C8orf34: variants seen among roughly 807,000 people sequenced by gnomAD.
C8orf34 encodes the protein uncharacterized protein C8orf34.
In C8orf34, 65 loss-of-function variants were observed where a neutral mutation model predicts 68.3. That is an observed-to-expected ratio of 0.95 (90% CI 0.78 to 1.17). The LOEUF (loss-of-function observed/expected upper bound fraction) is 1.17, where lower values mean the gene tolerates loss of function less well. Ranked by LOEUF, C8orf34 falls within the 50% of genes most tolerant of loss-of-function variation. C8orf34 has a pLI of 0.00. For missense variants in C8orf34, 664 were observed against 655.4 expected (o/e 1.01, Z -0.14); for synonymous variants, 244 against 241.2 (o/e 1.01, Z -0.11).
At chr8:68,462,789 G>A (rs1811905405) in intron 3 of C8orf34, among the ~76,000 whole-genome samples, 1 of 151,778 alleles carries the variant, frequency 6.6e-6, no homozygotes, top group Non-Finnish European at 1.5e-5. Context: ...CACATTCAAA[G>A]CAGTGTGTAG....
intron 8 of C8orf34, among the ~76,000 whole-genome samples, chr8:68,666,063 C>T (rs535080179): frequency 1.2e-4 from 18 of 152,194 alleles, no homozygotes; most frequent in South Asian, 2.1e-4. Flanking sequence ...GTCCCATGGC[C>T]GGTATTTTTG....
At chr8:68,728,499 C>T (rs545914324) in intron 10 of C8orf34, among the ~76,000 whole-genome samples, 101 of 152,290 alleles carry the variant, frequency 6.6e-4, no homozygotes, top group African/African-American at 2.4e-3. Context: ...TACCAATTTA[C>T]TGTATTAGTC....
rs138458632 is a variant in C8orf34, at chr8:68,521,835, C to T, written c.802C>T (p.Arg268Cys). The T allele has an allele frequency of 2.4e-5, 38 of 1,613,840 alleles. 1 individual carries two copies. Among genetic ancestry groups the T allele is most frequent in the South Asian group, 1.4e-4 (13 of 91,032 alleles). The change falls in exon 6 of 14, where the codon CGT becomes TGT. Residue 268 changes from arginine to cysteine, a missense_variant. Arg to Cys is a radical substitution (Grantham distance 180). Transcript: ENST00000518698. The stretch of plus-strand genomic sequence containing the variant: ...ATTTAATTCTTCTCTTCTGAGGCCC[C>T]GTGTGATTGGAGAATGGATTGGTAG... ...VTFNSSLLRPRVIGEWIGREE... is the reference protein window; with the variant it reads ...VTFNSSLLRPCVIGEWIGREE...
At chr8:68,695,908 A>G (rs1820818183) in intron 8 of C8orf34, 1 of 152,134 alleles carries the variant, frequency 6.6e-6, no homozygotes, top group African/African-American at 2.4e-5. Context: ...GTAAAAGAAA[A>G]ATATATGTTG....
At chr8:68,810,910 C>T (rs995828041) in intron 12 of C8orf34, among the ~76,000 whole-genome samples, 1 of 152,184 alleles carries the variant, frequency 6.6e-6, no homozygotes, top group Admixed American at 6.5e-5. Context: ...CTAGGAGAAG[C>T]ATCATAAGTT....
chr8:68,816,105 A>AGT (rs71554629), intron 13 of C8orf34, among the ~76,000 whole-genome samples, 160 bp downstream of exon 13: 15,416 of 144,462 alleles, frequency 0.11, 1,117 homozygotes, highest in African/African-American at 0.22. Flanking sequence ...ATTTCCTAAG[A>AGT]GTGTGTGTGT....
At chr8:68,709,114 C>CTTCTT in intron 9 of C8orf34, 35 bp downstream of exon 9, 1 of 1,465,392 alleles carries the variant, frequency 6.8e-7, no homozygotes, top group Non-Finnish European at 9.5e-7. Flanking sequence ...TATTGCAGTT[C>CTTCTT]TAGTGGCACT....
intron 6 of C8orf34, 98 bp from the exon 7 acceptor site, chr8:68,532,885 C>CATGTCCACAT (rs1815306884): frequency 1.2e-6 from 1 of 802,606 alleles, no homozygotes; most frequent in Non-Finnish European, 1.9e-6. Context: ...ACTTTAGTAA[C>CATGTCCACAT]ATGTCCACAT....
intron 5 of C8orf34, among the ~76,000 whole-genome samples, chr8:68,507,164 TTCCTTGGCA>T (rs1380607264): frequency 2.0e-5 from 3 of 152,240 alleles, no homozygotes; most frequent in African/African-American, 7.2e-5. Flanking sequence ...ATTGAATTGA[TTCCTTGGCA>T]TCTTGTATTT....
chr8:68,577,133 G>A (rs1030642622), intron 7 of C8orf34, among the ~76,000 whole-genome samples: 1 of 151,834 alleles, frequency 6.6e-6, no homozygotes, highest in Admixed American at 6.6e-5. Flanking sequence ...TTTGTGCCGT[G>A]GCAGTAACCT....
intron 10 of C8orf34, among the ~76,000 whole-genome samples, chr8:68,765,878 A>G (rs752067434): frequency 6.6e-6 from 1 of 152,234 alleles, no homozygotes; most frequent in Non-Finnish European, 1.5e-5. Context: ...GCACTTCTCT[A>G]TTATATGACC....
At chr8:68,345,314 A>G (rs140930761) in intron 1 of C8orf34, among the ~76,000 whole-genome samples, 131 of 152,072 alleles carry the variant, frequency 8.6e-4, no homozygotes, top group African/African-American at 2.9e-3. Flanking sequence ...GGTACATTGT[A>G]TTTGTTACAG....
At chr8:68,755,928 G>T (rs12114889) in intron 10 of C8orf34, among the ~76,000 whole-genome samples, 1 of 151,890 alleles carries the variant, frequency 6.6e-6, no homozygotes, top group African/African-American at 2.4e-5. Flanking sequence ...TTAGCCGGGC[G>T]TGATGGCGGG....
intron 1 of C8orf34, among the ~76,000 whole-genome samples, chr8:68,437,540 AAAATGT>A (rs1281340101): frequency 6.6e-6 from 1 of 152,232 alleles, no homozygotes; most frequent in East Asian, 1.9e-4. Flanking sequence ...GGTAAAATCC[AAAATGT>A]TTTAGATTGC....
intron 6 of C8orf34, among the ~76,000 whole-genome samples, chr8:68,531,682 C>G (rs536107139): frequency 6.6e-6 from 1 of 151,934 alleles, no homozygotes; most frequent in Admixed American, 6.6e-5. Context: ...ATTAACAAGT[C>G]GTGTCACTTC....
intron 7 of C8orf34, among the ~76,000 whole-genome samples, chr8:68,609,514 G>A (rs995027664): frequency 6.6e-6 from 1 of 152,164 alleles, no homozygotes; most frequent in Non-Finnish European, 1.5e-5. Context: ...GAAGCCAAGG[G>A]TATAAAGAGT....
intron 12 of C8orf34, among the ~76,000 whole-genome samples, chr8:68,802,722 T>A (rs1413026482): frequency 6.6e-6 from 1 of 152,096 alleles, no homozygotes; most frequent in African/African-American, 2.4e-5. Flanking sequence ...GGTCTCAAAC[T>A]CATGAGCTCA....
rs563489342 is a variant in C8orf34 at position 68,535,731 on chromosome 8, C to T, written c.1105+2582C>T. On this transcript the variant is annotated intron_variant, in intron 7 of 13. Coordinates refer to ENST00000518698, the MANE Select transcript of C8orf34 (RefSeq NM_052958.4). ...AATTTTTAAGTAGATCAAATATTTT[C>T]TGTAAGATTGCTTTAAATGCTCCTT... 4 of 928,920 alleles carry T rather than the reference C, an allele frequency of 4.3e-6. No individual in the cohort carries two copies. The South Asian group carries it at 2.0e-4, about 46-fold the overall frequency. The allele number at this position is 928,920 out of a possible 1,614,324, so 57.5% of individuals were successfully genotyped here. A position where few individuals can be genotyped will look rare whatever the true frequency, so the allele number is the denominator to read the frequency against.
At chr8:68,497,815 T>G (rs1046547009) in intron 5 of C8orf34, among the ~76,000 whole-genome samples, 3 of 150,522 alleles carry the variant, frequency 2.0e-5, no homozygotes, top group African/African-American at 7.3e-5. Context: ...TATAGATACA[T>G]ATTTGCTTCT....
Sources: gnomAD v4.1 joint callset for allele counts (sites outside exome capture counted in the v4.1 genomes callset) on GRCh38, gnomAD v4.1.1 for gene constraint, MANE v1.5 for transcripts, NCBI Gene and HGNC (gene_info 2026-07-23, HGNC 2026-07-21) for gene names.